PDE4D: variants seen among roughly 807,000 people sequenced by gnomAD.
PDE4D encodes the protein phosphodiesterase 4D.
In PDE4D, 24 loss-of-function variants were observed where a neutral mutation model predicts 87.4. The observed-to-expected ratio is 0.27, with a 90% CI of 0.20 to 0.39. PDE4D has a LOEUF of 0.39. Ranked by LOEUF, PDE4D falls within the 10% of genes least tolerant of loss-of-function variation. The pLI is 1.00. For synonymous variants in PDE4D, 384 were observed against 383.2 expected, an observed-to-expected ratio of 1.00 and a Z score of -0.02; for missense variants, 714 against 1,041.0, an observed-to-expected ratio of 0.69 and a Z score of 4.32.
At chr5:60,444,048 G>A (rs1399925604) in intron 1 of PDE4D, among the ~76,000 whole-genome samples, 1 of 147,514 alleles carries the variant, frequency 6.8e-6, no homozygotes, top group Admixed American at 7.1e-5. Context: ...TTAGGACTCT[G>A]GTAGCTCAGG....
chr5:59,659,494 GC>G (rs1744893335), intron 1 of PDE4D, among the ~76,000 whole-genome samples: 1 of 152,196 alleles, frequency 6.6e-6, no homozygotes, highest in African/African-American at 2.4e-5. Context: ...ACTGATAAGT[GC>G]TTTTCTTCTC....
At chr5:60,210,343 A>C (rs1301009827) in intron 1 of PDE4D, among the ~76,000 whole-genome samples, 4 of 151,940 alleles carry the variant, frequency 2.6e-5, no homozygotes, top group African/African-American at 9.7e-5. Flanking sequence ...GAGATGTCTC[A>C]TTTGTTTTTT....
At chr5:59,715,554 C>A (rs559930701) in intron 1 of PDE4D, among the ~76,000 whole-genome samples, 16 of 151,788 alleles carry the variant, frequency 1.1e-4, no homozygotes, top group African/African-American at 3.9e-4. Context: ...GAATGGTGAT[C>A]ACCAAAGAGG....
At chr5:59,410,193 C>T (rs1472431529) in intron 1 of PDE4D, among the ~76,000 whole-genome samples, 1 of 152,124 alleles carries the variant, frequency 6.6e-6, no homozygotes, top group East Asian at 1.9e-4. Flanking sequence ...ACCCTTCCCA[C>T]TCTTTGATAA....
At chr5:60,108,781 T>G (rs1777337446) in intron 2 of PDE4D, among the ~76,000 whole-genome samples, 1 of 152,132 alleles carries the variant, frequency 6.6e-6, no homozygotes, top group Non-Finnish European at 1.5e-5. Flanking sequence ...ATTTAATAAA[T>G]GGTGCTGGGA....
At chr5:59,249,857 G>A (rs1440084264) in intron 1 of PDE4D, among the ~76,000 whole-genome samples, 1 of 151,520 alleles carries the variant, frequency 6.6e-6, no homozygotes, top group African/African-American at 2.4e-5. Flanking sequence ...GTGTGTGTGT[G>A]TATATGTGTG....
chr5:60,168,161 A>T (rs911307109), intron 2 of PDE4D, among the ~76,000 whole-genome samples: 1 of 152,226 alleles, frequency 6.6e-6, no homozygotes. Flanking sequence ...TGGCTATAAC[A>T]AGATTTATTA....
chr5:60,004,760 A>C (rs763358319), intron 2 of PDE4D, among the ~76,000 whole-genome samples: 1 of 152,156 alleles, frequency 6.6e-6, no homozygotes, highest in Non-Finnish European at 1.5e-5. Context: ...GTACATCAAA[A>C]CCACAATGCG....
chr5:59,471,909 AT>A (rs1233261030), intron 1 of PDE4D, among the ~76,000 whole-genome samples: 2 of 152,150 alleles, frequency 1.3e-5, no homozygotes, highest in East Asian at 1.9e-4. Context: ...TATATTCCAT[AT>A]TTTTTATATA....
In PDE4D at chr5:60,460,613, C is replaced by A. The variant is rs2150170675; in HGVS notation, c.-90+27329G>T. On this transcript the variant is annotated intron_variant, in intron 1 of 16. Transcript: ENST00000502484. ...ACTTCATCAATGCATTCAATTGCTT[C>A]TTGCTGTTCTTTTTCTCCCTTCCTC... 3 of 1,253,898 alleles carry A rather than the reference C, an allele frequency of 2.4e-6. No homozygotes were observed. In the South Asian group the frequency reaches 3.6e-5, roughly 15 times the overall value. The allele number at this position is 1,253,898 out of a possible 1,614,324, so 77.7% of individuals were successfully genotyped here.
chr5:60,506,103 T>C (rs1374651929), intron 1 of PDE4D, among the ~76,000 whole-genome samples: 1 of 152,234 alleles, frequency 6.6e-6, no homozygotes, highest in Non-Finnish European at 1.5e-5. Flanking sequence ...GAAAGGTGGC[T>C]ATACAGAGAC....
intron 1 of PDE4D, among the ~76,000 whole-genome samples, chr5:59,878,230 T>C (rs998867321): frequency 1.3e-5 from 2 of 152,240 alleles, no homozygotes; most frequent in Non-Finnish European, 2.9e-5. Flanking sequence ...AAATGCAATA[T>C]ATCTACCTAT....
chr5:59,378,318 C>T (rs1287998059), intron 1 of PDE4D, among the ~76,000 whole-genome samples: 1 of 152,010 alleles, frequency 6.6e-6, no homozygotes, highest in Non-Finnish European at 1.5e-5. Context: ...ATCAGGAAAA[C>T]TAATAGGTAG....
chr5:60,197,129 G>A (rs1413911340), intron 1 of PDE4D, among the ~76,000 whole-genome samples: 1 of 139,876 alleles, frequency 7.1e-6, no homozygotes, highest in Non-Finnish European at 1.6e-5. Flanking sequence ...AGATAGATTA[G>A]ATAGGAATAG....
chr5:59,106,347 C>CT (rs1176678872), intron 5 of PDE4D, among the ~76,000 whole-genome samples: 1 of 152,202 alleles, frequency 6.6e-6, no homozygotes, highest in East Asian at 1.9e-4. Context: ...ATGTGTTTGA[C>CT]TGATGATGTT....
chr5:60,214,381 C>T (rs1743603762), intron 1 of PDE4D, among the ~76,000 whole-genome samples: 1 of 152,180 alleles, frequency 6.6e-6, no homozygotes, highest in South Asian at 2.1e-4. Context: ...ATCTTCAATA[C>T]TTTCTAGTTT....
chr5:59,469,876 G>T (rs776575080), intron 1 of PDE4D, among the ~76,000 whole-genome samples: 24 of 152,224 alleles, frequency 1.6e-4, no homozygotes, highest in African/African-American at 5.3e-4. Flanking sequence ...AGCACAAAAA[G>T]GCATTGCACC....
chr5:60,174,273 A>G (rs1208046511), intron 2 of PDE4D, among the ~76,000 whole-genome samples: 8 of 152,278 alleles, frequency 5.3e-5, no homozygotes, highest in African/African-American at 1.9e-4. Flanking sequence ...GGGGAACAGC[A>G]TTGTTTAAGG....
chr5:60,284,894 T>C (rs1425758734), intron 1 of PDE4D, among the ~76,000 whole-genome samples: 4 of 146,402 alleles, frequency 2.7e-5, no homozygotes, highest in East Asian at 2.0e-4. Flanking sequence ...GGCTACTCTT[T>C]TGATGTAGAG....
Sources: allele counts gnomAD v4.1 joint callset (sites outside exome capture counted in the v4.1 genomes callset), GRCh38; gene constraint gnomAD v4.1.1; transcripts MANE v1.5; gene names NCBI Gene and HGNC (gene_info 2026-07-23, HGNC 2026-07-21).